The following PALLD variants were observed in gnomAD, a reference collection of about 807,000 sequenced individuals.
The protein encoded by PALLD is palladin, cytoskeletal associated protein, also known as palladin.
In PALLD, 61 loss-of-function variants were observed where a neutral mutation model predicts 123.5. The ratio of observed to expected loss-of-function variants is 0.49; its 90% CI spans 0.40 to 0.61. The LOEUF is 0.61. Ranked by LOEUF, PALLD falls within the 20% of genes least tolerant of loss-of-function variation. PALLD has a pLI of 0.00. For synonymous variants in PALLD, 465 were observed against 496.4 expected, an observed-to-expected ratio of 0.94 and a Z score of 0.84; for missense variants, 1,273 against 1,377.0, an observed-to-expected ratio of 0.92 and a Z score of 1.20.
At chr4:168,826,444 C>T (rs773094490) in intron 10 of PALLD, among the ~76,000 whole-genome samples, 35 of 152,174 alleles carry the variant, frequency 2.3e-4, no homozygotes, top group Non-Finnish European at 4.7e-4. Flanking sequence ...CCGCTCCTCC[C>T]CTTACCAGCT....
At chr4:168,819,327 TTGTGTG>T (rs3046003) in intron 10 of PALLD, among the ~76,000 whole-genome samples, 59,623 of 148,660 alleles carry the variant, frequency 0.4, 11,814 homozygotes, top group Non-Finnish European at 0.44. Flanking sequence ...CCGAGACCAT[TTGTGTG>T]TGTGTGTGTG....
At chr4:168,598,978 T>C (rs189197679) in intron 2 of PALLD, among the ~76,000 whole-genome samples, 110 of 152,312 alleles carry the variant, frequency 7.2e-4, no homozygotes, top group African/African-American at 2.3e-3. Context: ...TCTTCCTATA[T>C]GTCAACATCA....
intron 10 of PALLD, among the ~76,000 whole-genome samples, chr4:168,720,790 A>G (rs1330746492): frequency 6.6e-6 from 1 of 152,226 alleles, no homozygotes; most frequent in African/African-American, 2.4e-5. Context: ...GTCTTGGATC[A>G]CTTTGCAAAC....
chr4:168,825,477 G>A lies in PALLD; in HGVS notation c.1965-65445G>A, dbSNP rs192000510. Among the ~76,000 whole-genome samples, 12 of 152,264 alleles carry A rather than the reference G, an allele frequency of 7.9e-5. No individual in the cohort carries two copies. In the East Asian group the frequency reaches 1.4e-3, roughly 17 times the overall value. ...AAAGTACTTCAGATAACATAATCCC[G>A]TTTATTTGACGCAGAAGATTCGTGT... On this transcript the variant is annotated intron_variant, in intron 10 of 21. Transcript: ENST00000505667.
intron 2 of PALLD, among the ~76,000 whole-genome samples, chr4:168,614,030 T>A (rs938043996): frequency 1.3e-5 from 2 of 152,230 alleles, no homozygotes; most frequent in Non-Finnish European, 2.9e-5. Flanking sequence ...CTGTTCTTTC[T>A]CTGCTTAAGT....
chr4:168,862,903 T>G (rs1325712084), intron 10 of PALLD, among the ~76,000 whole-genome samples: 5 of 152,192 alleles, frequency 3.3e-5, no homozygotes, highest in Non-Finnish European at 7.3e-5. Context: ...TGTTGCAATA[T>G]CAATAGAAGG....
chr4:168,559,124 A>C (rs1029499452), intron 2 of PALLD, among the ~76,000 whole-genome samples: 1 of 152,254 alleles, frequency 6.6e-6, no homozygotes, highest in African/African-American at 2.4e-5. Flanking sequence ...TTTCTCTGGA[A>C]AAACATAGTA....
chr4:168,908,256 G>A (rs942086229), intron 15 of PALLD, among the ~76,000 whole-genome samples: 2 of 152,036 alleles, frequency 1.3e-5, no homozygotes, highest in African/African-American at 4.8e-5. Flanking sequence ...AAAAATTGGA[G>A]TGAACTTCAC....
rs887121240 is a variant in PALLD at position 168,850,953 on chromosome 4, C to T, written c.1965-39969C>T. ...CTGCGAACCCTAGCTCAGTACCTGG[C>T]ATTCCATGGGCAGGCAAGAAAAGTT... On this transcript the variant is annotated intron_variant, in intron 10 of 21. Transcript: ENST00000505667. 4.6e-5 allele frequency among the ~76,000 whole-genome samples: 7 copies of T among 152,316 alleles called. 1 individual carries two copies. The highest frequency in any genetic ancestry group is 4.6e-4 in the Admixed American group (7 of 15,306).
chr4:168,816,170 C>G (rs531820133), intron 10 of PALLD, among the ~76,000 whole-genome samples: 2 of 152,200 alleles, frequency 1.3e-5, no homozygotes, highest in South Asian at 2.1e-4. Context: ...CATTACAGCT[C>G]TTTCTTAAAT....
chr4:168,499,524 C>T (rs1761171340), intron 1 of PALLD, among the ~76,000 whole-genome samples: 2 of 134,240 alleles, frequency 1.5e-5, no homozygotes, highest in African/African-American at 5.7e-5. Flanking sequence ...GTTTGCATTA[C>T]TTTTTTAGTA....
intron 10 of PALLD, chr4:168,877,759 C>A (rs1396321298): frequency 8.5e-7 from 1 of 1,180,296 alleles, no homozygotes; most frequent in Non-Finnish European, 1.0e-6. Flanking sequence ...AGAACCAAAT[C>A]CGACTGGAGC....
chr4:168,814,601 G>T (rs1474194695), intron 10 of PALLD, among the ~76,000 whole-genome samples: 1 of 152,200 alleles, frequency 6.6e-6, no homozygotes, highest in South Asian at 2.1e-4. Flanking sequence ...GCAGGAGAGT[G>T]CAGGTCTCTA....
chr4:168,503,656 A>AAAAAAG (rs1404717643), intron 1 of PALLD, among the ~76,000 whole-genome samples: 2 of 151,974 alleles, frequency 1.3e-5, no homozygotes, highest in African/African-American at 4.8e-5. Flanking sequence ...CAAAAAAAAA[A>AAAAAAG]AAAAAGAAAA....
At chr4:168,832,208 A>G in intron 10 of PALLD, 2 of 985,246 alleles carry the variant, frequency 2.0e-6, no homozygotes, top group Non-Finnish European at 2.4e-6. Context: ...CTGGTGGAAG[A>G]AATGTGTGAA....
chr4:168,769,415 G>A (rs1057494939), intron 10 of PALLD, among the ~76,000 whole-genome samples: 4 of 152,212 alleles, frequency 2.6e-5, no homozygotes, highest in African/African-American at 9.6e-5. Flanking sequence ...AGCTTGAAAG[G>A]TTGAGATGGA....
chr4:168,572,216 C>T (rs531733380), intron 2 of PALLD, among the ~76,000 whole-genome samples: 80 of 152,250 alleles, frequency 5.3e-4, no homozygotes, highest in African/African-American at 1.8e-3. Flanking sequence ...CTCATCACCA[C>T]CATTATAGCC....
chr4:168,582,645 T>A (rs569098283), intron 2 of PALLD, among the ~76,000 whole-genome samples: 1 of 152,286 alleles, frequency 6.6e-6, no homozygotes, highest in South Asian at 2.1e-4. Flanking sequence ...AAGGAGTTAA[T>A]TTTGTCAAAT....
intron 10 of PALLD, among the ~76,000 whole-genome samples, chr4:168,735,959 A>G (rs1464790036): frequency 6.6e-6 from 1 of 152,190 alleles, no homozygotes; most frequent in Non-Finnish European, 1.5e-5. Context: ...CTAACATTCC[A>G]CAGGTTAACC....
Sources: gnomAD v4.1 joint callset for allele counts (sites outside exome capture counted in the v4.1 genomes callset) on GRCh38, gnomAD v4.1.1 for gene constraint, MANE v1.5 for transcripts, NCBI Gene and HGNC (gene_info 2026-07-23, HGNC 2026-07-21) for gene names.